The following SYT16 variants were observed in gnomAD, a reference collection of about 807,000 sequenced individuals.
SYT16 encodes synaptotagmin-16.
Under a neutral mutation model 61.4 loss-of-function variants are expected in SYT16, and 42 were observed. The observed-to-expected ratio is 0.68, with a 90% CI of 0.53 to 0.89. The LOEUF (loss-of-function observed/expected upper bound fraction) is 0.89. Among genes scored for constraint, SYT16 ranks in the 40% least tolerant of loss-of-function variants. The probability of loss-of-function intolerance (pLI) is 0.00; values close to 1 mark genes in which losing one functional copy is unlikely to be tolerated. For missense variants in SYT16, 804 were observed against 807.3 expected (o/e 1.00, Z 0.05); for synonymous variants, 314 against 302.3 (o/e 1.04, Z -0.40).
At chr14:61,887,466 G>A (rs1431401156) in intron 1 of SYT16, among the ~76,000 whole-genome samples, 5 of 152,200 alleles carry the variant, frequency 3.3e-5, no homozygotes, top group Admixed American at 6.5e-5. Flanking sequence ...GAAGCCAGGC[G>A]TTGATTTCTC....
At chr14:61,813,882 A>G (rs926508207) in intron 1 of SYT16, among the ~76,000 whole-genome samples, 4 of 147,542 alleles carry the variant, frequency 2.7e-5, no homozygotes, top group Non-Finnish European at 4.5e-5. Flanking sequence ...GCAATAATTT[A>G]TTATTTTTCT....
intron 3 of SYT16, among the ~76,000 whole-genome samples, chr14:62,017,420 T>A (rs1410290242): frequency 6.6e-6 from 1 of 152,220 alleles, no homozygotes; most frequent in African/African-American, 2.4e-5. Flanking sequence ...AGCATATGCT[T>A]ATAACTCTGC....
At chr14:61,891,712 T>C (rs775334322) in intron 1 of SYT16, among the ~76,000 whole-genome samples, 1 of 152,128 alleles carries the variant, frequency 6.6e-6, no homozygotes, top group Non-Finnish European at 1.5e-5. Context: ...CCAGAAAATA[T>C]AATAGTGTAT....
intron 1 of SYT16, among the ~76,000 whole-genome samples, chr14:61,841,291 A>G (rs1403774325): frequency 6.6e-6 from 1 of 152,218 alleles, no homozygotes; most frequent in Non-Finnish European, 1.5e-5. Context: ...ATGGGGATAC[A>G]TTTATAGCTA....
At chr14:61,965,195 C>G (rs2051265906) in intron 1 of SYT16, among the ~76,000 whole-genome samples, 1 of 152,074 alleles carries the variant, frequency 6.6e-6, no homozygotes, top group South Asian at 2.1e-4. Flanking sequence ...CTAAACAGGG[C>G]CCTTTTTGTG....
At chr14:62,042,577 T>C (rs1254928) in intron 3 of SYT16, among the ~76,000 whole-genome samples, 76,781 of 152,036 alleles carry the variant, frequency 0.51, 19,640 homozygotes, top group Middle Eastern at 0.59. Flanking sequence ...AGGCACTATT[T>C]GTGGCTCTCA....
intron 1 of SYT16, among the ~76,000 whole-genome samples, chr14:61,880,487 TC>T (rs1182326272): frequency 6.6e-6 from 1 of 152,192 alleles, no homozygotes; most frequent in Admixed American, 6.5e-5. Context: ...TAGAATTAGT[TC>T]GTAAAGTTCC....
chr14:61,867,313 C>T lies in SYT16; in HGVS notation c.-325+54503C>T, dbSNP rs568014103. 1.5e-4 allele frequency among the ~76,000 whole-genome samples: 23 copies of T among 151,864 alleles called. No individual in the cohort carries two copies. In the South Asian group the frequency reaches 3.7e-3, roughly 25 times the overall value. Reference sequence around the variant, plus strand: ...TTCTTCCTGGATTTTCTTGTTTGTACGTTAAAATTTGTTGAGAAAAAGAAA... The same window carrying T: ...TTCTTCCTGGATTTTCTTGTTTGTATGTTAAAATTTGTTGAGAAAAAGAAA... On this transcript the variant is annotated intron_variant, in intron 1 of 7. Transcript: ENST00000683842.
chr14:62,000,062 A>AT (rs2052932825), intron 3 of SYT16, among the ~76,000 whole-genome samples: 1 of 61,084 alleles, frequency 1.6e-5, no homozygotes, highest in Non-Finnish European at 3.5e-5. Flanking sequence ...TCTTGAGGCT[A>AT]TTTTTTCTGA....
chr14:62,098,639 A>G (rs370438983), intron 7 of SYT16, among the ~76,000 whole-genome samples: 104 of 152,342 alleles, frequency 6.8e-4, no homozygotes, highest in African/African-American at 2.4e-3. Context: ...AGACATGAAC[A>G]TTCATTACAA....
chr14:62,005,553 G>A (rs1466350921), intron 3 of SYT16, among the ~76,000 whole-genome samples: 1 of 152,122 alleles, frequency 6.6e-6, no homozygotes, highest in Non-Finnish European at 1.5e-5. Flanking sequence ...CTTCCTGGAA[G>A]TTTTCACATT....
intron 3 of SYT16, among the ~76,000 whole-genome samples, chr14:62,064,931 G>T (rs1273800927): frequency 1.3e-5 from 2 of 152,136 alleles, no homozygotes; most frequent in African/African-American, 2.4e-5. Flanking sequence ...CTGCTCAGTG[G>T]CCTTTGCAAG....
chr14:61,905,853 G>A (rs778419444), intron 1 of SYT16, among the ~76,000 whole-genome samples: 4 of 151,664 alleles, frequency 2.6e-5, no homozygotes, highest in Admixed American at 2.0e-4. Context: ...TGCATCCCAG[G>A]TTCCAGTGAT....
At chr14:62,055,565 G>T (rs1169258920) in intron 3 of SYT16, among the ~76,000 whole-genome samples, 1 of 152,138 alleles carries the variant, frequency 6.6e-6, no homozygotes, top group African/African-American at 2.4e-5. Context: ...TTTCATCATG[G>T]CTCTTCTTTT....
rs776396771 is a variant in SYT16 at position 61,996,228 on chromosome 14, A to G, written c.209A>G (p.Glu70Gly). The G allele has an allele frequency of 6.2e-7, 1 of 1,613,626 alleles. No individual in the cohort carries two copies. Among genetic ancestry groups the G allele is most frequent in the Non-Finnish European group, 8.5e-7 (1 of 1,179,634 alleles). The change falls in exon 3 of 8, where the codon GAA (glutamate) becomes GGA (glycine). Residue 70 changes from glutamate to glycine, a missense_variant. Physicochemically the swap from Glu to Gly is moderately conservative, Grantham distance 98. Coordinates refer to ENST00000683842, the MANE Select transcript of SYT16 (RefSeq NM_001367656.1). ...ATTCAGGAAACGTACTTTGAAGATG[A>G]AGAACAAGACAATGATTGGAGTCAA... ...IQIQETYFED[E>G]EQDNDWSQED... is the part of the protein sequence containing the mutation.
At chr14:61,926,572 G>C (rs1006930831) in intron 1 of SYT16, among the ~76,000 whole-genome samples, 4 of 152,240 alleles carry the variant, frequency 2.6e-5, no homozygotes, top group Admixed American at 1.3e-4. Flanking sequence ...CAGCACCTTG[G>C]ACTCTTTAAA....
At chr14:61,995,645 G>A (rs766831196) in intron 2 of SYT16, among the ~76,000 whole-genome samples, 27 of 152,072 alleles carry the variant, frequency 1.8e-4, no homozygotes, top group Non-Finnish European at 3.1e-4. Context: ...CAGTCCACGT[G>A]AACAGAACCC....
chr14:61,998,190 C>CT (rs561955495), intron 3 of SYT16, among the ~76,000 whole-genome samples: 43 of 151,890 alleles, frequency 2.8e-4, no homozygotes, highest in South Asian at 2.5e-3. Flanking sequence ...TACACATATT[C>CT]TTTTTTTTCC....
chr14:61,953,354 G>C lies in SYT16; in HGVS notation c.-324-16778G>C, dbSNP rs543548974. On this transcript the variant is annotated intron_variant, in intron 1 of 7. Coordinates refer to ENST00000683842, the MANE Select transcript of SYT16 (RefSeq NM_001367656.1). Reference sequence around the variant, plus strand: ...AGTATCTGTGATTATGCTGGTCAAAGCAAGAGAAATGGTCCAAATTTTTTT... The same window carrying C: ...AGTATCTGTGATTATGCTGGTCAAACCAAGAGAAATGGTCCAAATTTTTTT... 1.5e-4 allele frequency among the ~76,000 whole-genome samples: 23 copies of C among 152,238 alleles called. No homozygotes were observed. The East Asian group carries it at 4.4e-3, about 29-fold the overall frequency.
Sources: gnomAD v4.1 joint callset for allele counts (sites outside exome capture counted in the v4.1 genomes callset) on GRCh38, gnomAD v4.1.1 for gene constraint, MANE v1.5 for transcripts, NCBI Gene and HGNC (gene_info 2026-07-23, HGNC 2026-07-21) for gene names.